CBX8: variants seen among roughly 807,000 people sequenced by gnomAD.
The protein encoded by CBX8 is chromobox protein homolog 8.
In CBX8, 8 loss-of-function variants were observed where a neutral mutation model predicts 39.7. That is an observed-to-expected ratio of 0.20 (90% CI 0.12 to 0.36). The LOEUF (loss-of-function observed/expected upper bound fraction) is 0.36. Ranked by LOEUF, CBX8 falls within the 10% of genes least tolerant of loss-of-function variation. CBX8 has a pLI of 1.00. For missense variants in CBX8, 505 were observed against 529.6 expected, an observed-to-expected ratio of 0.95 and a Z score of 0.46; for synonymous variants, 268 against 219.8, an observed-to-expected ratio of 1.22 and a Z score of -1.94.
At chr17:79,796,342 A>G in intron 2 of CBX8, 27 bp from the exon 3 acceptor site, 2 of 1,613,126 alleles carry the variant, frequency 1.2e-6, no homozygotes, top group Non-Finnish European at 1.7e-6. Flanking sequence ...AGAAGTGGGC[A>G]TCAGTCCCAG....
Position 79,797,050 on chromosome 17 carries a change from G to C in CBX8, c.-52C>G. On this transcript the variant is annotated 5_prime_UTR_variant, in exon 1 of 5. Transcript: ENST00000269385. ...CGCTTCCAGGAGCAGAAAAGCAGCA[G>C]CCAGCGCACGACAGACCATAATACT... The C allele has an allele frequency of 6.4e-7, 1 of 1,558,538 alleles. No homozygotes were observed. Among genetic ancestry groups the C allele is most frequent in the Non-Finnish European group, 8.7e-7 (1 of 1,144,780 alleles).
In CBX8 at chr17:79,795,008, G is replaced by T. The variant is rs753485760; in HGVS notation, c.797C>A (p.Pro266His). 31 of 1,606,766 alleles carry T rather than the reference G, an allele frequency of 1.9e-5. No individual in the cohort carries two copies. The highest frequency in any genetic ancestry group is 2.6e-5 in the Non-Finnish European group (30 of 1,176,262). ...SDLVQCGVTS[P>H]SSAEATGKLA... ...TTTGCCCGTGGCCTCAGCTGAGCTA[G>T]GGCTGGTCACACCACACTGCACCAG... Residue 266 changes from proline (P) to histidine (H), a missense_variant, in exon 5 of 5, where the codon CCT (proline) becomes CAT (histidine). Around this residue, in one of 3 missense-constraint regions of CBX8, gnomAD observed 456 missense variants for 389.2 expected, o/e 1.17. Transcript: ENST00000269385. This position sits in a 1 kb window ranked among gnomAD's most constrained non-coding sequence, Gnocchi z 5.8.
chr17:79,795,763 G>A lies in CBX8; in HGVS notation c.247-205C>T, dbSNP rs1908063543. ...GGAGCTGAGAGGTAGAAGGATGAGAGAAGAGGTAGAAGATTTGGCTGGAAG... is the reference window on the plus strand; with the variant it reads ...GGAGCTGAGAGGTAGAAGGATGAGAAAAGAGGTAGAAGATTTGGCTGGAAG... On this transcript the variant is annotated intron_variant, in intron 4 of 4. Transcript: ENST00000269385. The surrounding 1 kb of genome is among the most constrained non-coding windows in gnomAD (Gnocchi z 5.8). Among the ~76,000 whole-genome samples the A allele has an allele frequency of 6.6e-6, 1 of 152,182 alleles. No homozygotes were observed. Among genetic ancestry groups the A allele is most frequent in the South Asian group, 2.1e-4 (1 of 4,830 alleles).
rs151119888 is a variant in CBX8, at chr17:79,794,556, A to C, written c.*79T>G. On this transcript the variant is annotated 3_prime_UTR_variant, in exon 5 of 5. Coordinates refer to ENST00000269385, the MANE Select transcript of CBX8 (RefSeq NM_020649.3). ...GGGACCAGCCAAAAGGCCACATCCC[A>C]CCCAGAAATAAAAATCACTATGCCA... 12,708 of 1,161,068 alleles carry C rather than the reference A, an allele frequency of 0.011. 111 individuals carry two copies. The highest frequency in any genetic ancestry group is 0.014 in the Non-Finnish European group (11,221 of 821,530). 71.9% of individuals were successfully genotyped at this position (1,161,068 alleles called of 1,614,324 possible).
intron 2 of CBX8, 60 bp from the exon 3 acceptor site, chr17:79,796,375 G>A (rs1004584864): frequency 1.4e-6 from 2 of 1,466,080 alleles, no homozygotes; most frequent in East Asian, 2.3e-5. Context: ...AGCAGAGGGG[G>A]TGTGTGTGTG....
Position 79,793,600 on chromosome 17 carries a change from G to A in CBX8, c.*1035C>T, listed in dbSNP as rs1480506040. On this transcript the variant is annotated 3_prime_UTR_variant, in exon 5 of 5. Coordinates refer to ENST00000269385, the MANE Select transcript of CBX8 (RefSeq NM_020649.3). Reference sequence around the variant, plus strand: ...GCCATGTGTCCACCACAGAGCTGGCGGCCCGCCCTCCCCAGGCAGGGAGGC... The same window carrying A: ...GCCATGTGTCCACCACAGAGCTGGCAGCCCGCCCTCCCCAGGCAGGGAGGC... 1 of 152,230 alleles carries A rather than the reference G, an allele frequency of 6.6e-6. No homozygotes were observed. Among genetic ancestry groups the A allele is most frequent in the African/African-American group, 2.4e-5 (1 of 41,458 alleles). The allele number at this position is 152,230 out of a possible 1,614,324, so 9.4% of individuals were successfully genotyped here.
Position 79,795,618 on chromosome 17 carries a change from C to T in CBX8, c.247-60G>A. The stretch of plus-strand genomic sequence containing the variant: ...GGGCCCTGTCCACCCCCACAGGACT[C>T]CTCCTCTATCCCTGACCTCCTATCT... On this transcript the variant is annotated intron_variant, in intron 4 of 4. Coordinates refer to ENST00000269385, the MANE Select transcript of CBX8 (RefSeq NM_020649.3). This position sits in a 1 kb window ranked among gnomAD's most constrained non-coding sequence, Gnocchi z 5.8. The T allele has an allele frequency of 7.6e-7, 1 of 1,321,772 alleles. No homozygotes were observed. Among genetic ancestry groups the T allele is most frequent in the Admixed American group, 3.1e-5 (1 of 32,532 alleles). The allele number at this position is 1,321,772 out of a possible 1,614,324, so 81.9% of individuals were successfully genotyped here.
rs1907934039 is a variant in CBX8, at chr17:79,793,016, G to C, written c.*1619C>G. 1 of 152,284 alleles carries C rather than the reference G, an allele frequency of 6.6e-6. No individual in the cohort carries two copies. The highest frequency in any genetic ancestry group is 1.5e-5 in the Non-Finnish European group (1 of 68,082). 9.4% of individuals were successfully genotyped at this position (152,284 alleles called of 1,614,324 possible). A position where few individuals can be genotyped will look rare whatever the true frequency, so the allele number is the denominator to read the frequency against. The stretch of plus-strand genomic sequence containing the variant: ...GTTAGATCTTCGCTGGCCCTTTAAG[G>C]GCGGGGAGGGCAGGGAGGCTGCGGG... On this transcript the variant is annotated 3_prime_UTR_variant, in exon 5 of 5. Coordinates refer to ENST00000269385, the MANE Select transcript of CBX8 (RefSeq NM_020649.3).
Position 79,794,524 on chromosome 17 carries a change from C to A in CBX8, c.*111G>T. 1 of 764,740 alleles carries A rather than the reference C, an allele frequency of 1.3e-6. No individual in the cohort carries two copies. The highest frequency in any genetic ancestry group is 2.1e-6 in the Non-Finnish European group (1 of 479,588). The allele number at this position is 764,740 out of a possible 1,614,324, so 47.4% of individuals were successfully genotyped here. On this transcript the variant is annotated 3_prime_UTR_variant, in exon 5 of 5. Transcript: ENST00000269385. ...GGGGCTGGTGGGGTGGGGGTGACAT[C>A]AGGGACGGGACCAGCCAAAAGGCCA...
In CBX8 at chr17:79,794,425, T is replaced by C. The variant is rs915986116; in HGVS notation, c.*210A>G. On this transcript the variant is annotated 3_prime_UTR_variant, in exon 5 of 5. Coordinates refer to ENST00000269385, the MANE Select transcript of CBX8 (RefSeq NM_020649.3). ...AGATATTTTTCTTAAATAACATATT[T>C]ACATCTAATAGAAAATATAACTCTA... is the stretch of plus-strand genomic sequence containing the variant. 5.4e-6 allele frequency: 2 copies of C among 368,398 alleles called. No individual in the cohort carries two copies. Among genetic ancestry groups the C allele is most frequent in the Admixed American group, 8.2e-5 (2 of 24,510 alleles). The allele number at this position is 368,398 out of a possible 1,614,324, so 22.8% of individuals were successfully genotyped here. A position where few individuals can be genotyped will look rare whatever the true frequency, so the allele number is the denominator to read the frequency against.
Position 79,794,923 on chromosome 17 carries a change from G to T in CBX8, c.882C>A (p.Ala294=). The change falls in exon 5 of 5, where the codon GCC becomes GCA. Residue 294 remains alanine (A), a synonymous_variant. Coordinates refer to ENST00000269385, the MANE Select transcript of CBX8 (RefSeq NM_020649.3). ...TGGGATCTAGGGCACCCTGGCCTTT[G>T]GCCTCCAGGAAGGCAGCCCTGTGCT... ...VIKHRAAFLE[A]KGQGALDPNG... 6.2e-7 allele frequency: 1 copy of T among 1,608,866 alleles called. No individual in the cohort carries two copies. Among genetic ancestry groups the T allele is most frequent in the Non-Finnish European group, 8.5e-7 (1 of 1,177,366 alleles).
chr17:79,796,462 A>G, intron 2 of CBX8, 35 bp downstream of exon 2: 1 of 1,613,652 alleles, frequency 6.2e-7, no homozygotes, highest in Non-Finnish European at 8.5e-7. Context: ...CCCGAATAAC[A>G]GTCTGGGGTT....
Position 79,796,487 on chromosome 17 carries a change from A to C in CBX8, c.113+10T>G. On this transcript the variant is annotated intron_variant, in intron 2 of 4. Coordinates refer to ENST00000269385, the MANE Select transcript of CBX8 (RefSeq NM_020649.3). ...AGTCTGGGGTTGAGAATTGCATATA[A>C]CCTACTTACTTCTGCGACCATCCCT... The C allele has an allele frequency of 2.5e-6, 4 of 1,614,022 alleles. No individual in the cohort carries two copies. The highest frequency in any genetic ancestry group is 3.4e-6 in the Non-Finnish European group (4 of 1,179,980).
chr17:79,794,598 C>G lies in CBX8; in HGVS notation c.*37G>C. ...ACTATGCCAAGCTCACGCTCACTCTCTCCCCTGCTCTCCTCCTGGACACAC... is the reference window on the plus strand; with the variant it reads ...ACTATGCCAAGCTCACGCTCACTCTGTCCCCTGCTCTCCTCCTGGACACAC... On this transcript the variant is annotated 3_prime_UTR_variant, in exon 5 of 5. Transcript: ENST00000269385. 1 of 1,451,638 alleles carries G rather than the reference C, an allele frequency of 6.9e-7. No homozygotes were observed. The highest frequency in any genetic ancestry group is 9.3e-7 in the Non-Finnish European group (1 of 1,074,946). The allele number at this position is 1,451,638 out of a possible 1,614,324, so 89.9% of individuals were successfully genotyped here. A position where few individuals can be genotyped will look rare whatever the true frequency, so the allele number is the denominator to read the frequency against.
chr17:79,794,851 C>G lies in CBX8; in HGVS notation c.954G>C (p.Gly318=). ...RHGSGPPSSG[G]GLYRDMGAQG... is the part of the protein sequence containing the mutation. ...GGGCCCCCATGTCCCGGTACAGGCC[C>G]CCCCCAGAGCTGGGGGGGCCTGAGC... The change falls in exon 5 of 5, where the codon GGG becomes GGC. Residue 318 remains glycine (G), a synonymous_variant. Transcript: ENST00000269385. 6.2e-7 allele frequency: 1 copy of G among 1,608,692 alleles called. No homozygotes were observed. Among genetic ancestry groups the G allele is most frequent in the Non-Finnish European group, 8.5e-7 (1 of 1,177,868 alleles).
intron 1 of CBX8, 69 bp downstream of exon 1, chr17:79,796,861 G>GGGGGGGGGAACCCGGGCCGGGA: frequency 7.0e-7 from 1 of 1,433,444 alleles, no homozygotes; most frequent in Non-Finnish European, 9.5e-7. Flanking sequence ...GGCTGCAGCA[G>GGGGGGGGGAACCCGGGCCGGGA]GGGGAGGGAA....
rs1222793114 is a variant in CBX8 at position 79,794,725 on chromosome 17, C to T, written c.1080G>A (p.Lys360=). The change falls in exon 5 of 5, where the codon AAG becomes AAA. Residue 360 remains lysine (K), a synonymous_variant. Transcript: ENST00000269385. ...SWSPSLTNLE[K]VVVTDVTSNF... is the part of the protein sequence containing the mutation. ...TTGAGGTCACGTCCGTGACCACCAC[C>T]TTCTCCAGGTTAGTCAGGGAGGGGC... is the stretch of plus-strand genomic sequence containing the variant. The T allele has an allele frequency of 6.2e-7, 1 of 1,613,072 alleles. No homozygotes were observed. The highest frequency in any genetic ancestry group is 1.3e-5 in the African/African-American group (1 of 74,946).
rs1908057556 is a variant in CBX8, at chr17:79,795,633, ACCT to A, written c.247-78_247-76del. On this transcript the variant is annotated intron_variant, in intron 4 of 4. Coordinates refer to ENST00000269385, the MANE Select transcript of CBX8 (RefSeq NM_020649.3). This position sits in a 1 kb window ranked among gnomAD's most constrained non-coding sequence, Gnocchi z 5.8. ...CCACAGGACTCCTCCTCTATCCCTG[ACCT>A]CCTATCTTTACCCTATGATGCCTGG... 1.1e-6 allele frequency: 1 copy of A among 907,474 alleles called. No individual in the cohort carries two copies. The highest frequency in any genetic ancestry group is 1.4e-6 in the Non-Finnish European group (1 of 712,976). The allele number at this position is 907,474 out of a possible 1,614,324, so 56.2% of individuals were successfully genotyped here. A position where few individuals can be genotyped will look rare whatever the true frequency, so the allele number is the denominator to read the frequency against.
At chr17:79,796,205 CTACTT>C (rs756766693) in intron 3 of CBX8, 40 bp downstream of exon 3, 2 of 1,613,704 alleles carry the variant, frequency 1.2e-6, no homozygotes, top group South Asian at 2.2e-5. Context: ...AGAAGCCACT[CTACTT>C]GTTTCTAAGT....
Sources: gnomAD v4.1 joint callset for allele counts (sites outside exome capture counted in the v4.1 genomes callset) on GRCh38, gnomAD v4.1.1 for gene constraint, gnomAD v4.1.1 regional missense constraint, Gnocchi (gnomAD v3.1) non-coding constraint, MANE v1.5 for transcripts, NCBI Gene and HGNC (gene_info 2026-07-23, HGNC 2026-07-21) for gene names.